PDE4D: variants seen among roughly 807,000 people sequenced by gnomAD.
The protein encoded by PDE4D is 3',5'-cyclic-AMP phosphodiesterase 4D.
Under a neutral mutation model 87.4 loss-of-function variants are expected in PDE4D, and 24 were observed. The ratio of observed to expected loss-of-function variants is 0.27; its 90% CI spans 0.20 to 0.39. The LOEUF (loss-of-function observed/expected upper bound fraction) is 0.39. Ranked by LOEUF, PDE4D falls within the 10% of genes least tolerant of loss-of-function variation. The pLI, the probability that PDE4D is intolerant of heterozygous loss-of-function variation, is 1.00. For missense variants in PDE4D, 714 were observed against 1,041.0 expected (o/e 0.69, Z 4.32); for synonymous variants, 384 against 383.2 (o/e 1.00, Z -0.02).
intron 1 of PDE4D, among the ~76,000 whole-genome samples, chr5:59,572,457 T>TTTGTA (rs1822010152): frequency 6.8e-6 from 1 of 146,824 alleles, no homozygotes; most frequent in South Asian, 2.1e-4. Flanking sequence ...ACACAGGTTT[T>TTTGTA]TTGTTTTGTT....
At chr5:59,851,574 T>C (rs1744667657) in intron 1 of PDE4D, among the ~76,000 whole-genome samples, 1 of 152,028 alleles carries the variant, frequency 6.6e-6, no homozygotes, top group Non-Finnish European at 1.5e-5. Context: ...GATTCTGTTT[T>C]TTTCAGATAT....
chr5:59,108,953 CAATG>C (rs1256318563), intron 5 of PDE4D, among the ~76,000 whole-genome samples: 2,703 of 94,374 alleles, frequency 0.029, 59 homozygotes, highest in South Asian at 0.093. Context: ...CATAGGAACT[CAATG>C]TGTGTGTGTG....
At chr5:59,787,515 T>G (rs1765308423) in intron 1 of PDE4D, among the ~76,000 whole-genome samples, 1 of 152,180 alleles carries the variant, frequency 6.6e-6, no homozygotes, top group Admixed American at 6.5e-5. Context: ...GTGACTTACC[T>G]TTTTGTCCCA....
intron 1 of PDE4D, among the ~76,000 whole-genome samples, chr5:60,451,204 A>T (rs1375751874): frequency 6.6e-6 from 1 of 152,114 alleles, no homozygotes; most frequent in African/African-American, 2.4e-5. Flanking sequence ...TTACATAAGG[A>T]ATATATTTCT....
At chr5:59,476,322 G>A (rs1366234875) in intron 1 of PDE4D, among the ~76,000 whole-genome samples, 2 of 152,086 alleles carry the variant, frequency 1.3e-5, no homozygotes, top group Non-Finnish European at 2.9e-5. Flanking sequence ...TCCTGATCAG[G>A]ATGGAGATTA....
intron 1 of PDE4D, among the ~76,000 whole-genome samples, chr5:59,458,328 C>G (rs1582700917): frequency 6.6e-6 from 1 of 152,188 alleles, no homozygotes; most frequent in Non-Finnish European, 1.5e-5. Flanking sequence ...GTGAAAGAAT[C>G]ATTGCATAAG....
chr5:60,481,862 A>T (rs1748755751), intron 1 of PDE4D, among the ~76,000 whole-genome samples: 3 of 152,240 alleles, frequency 2.0e-5, no homozygotes, highest in African/African-American at 7.2e-5. Flanking sequence ...TCAAGAATTT[A>T]AAAGTAAAAT....
chr5:60,416,462 C>G (rs1301476427), intron 1 of PDE4D, among the ~76,000 whole-genome samples: 1 of 152,136 alleles, frequency 6.6e-6, no homozygotes, highest in African/African-American at 2.4e-5. Flanking sequence ...ACTCCGGAAG[C>G]CAGCGAGACC....
At chr5:59,173,530 C>T (rs1270075693) in intron 5 of PDE4D, among the ~76,000 whole-genome samples, 2 of 152,142 alleles carry the variant, frequency 1.3e-5, no homozygotes. Flanking sequence ...ACTCCTTCAG[C>T]TTAAAAGATT....
At chr5:59,548,074 A>G (rs540659471) in intron 1 of PDE4D, among the ~76,000 whole-genome samples, 1 of 152,312 alleles carries the variant, frequency 6.6e-6, no homozygotes, top group East Asian at 1.9e-4. Flanking sequence ...CAAACGCTCA[A>G]TCAAATCATG....
At chr5:60,511,342 G>C (rs1352734480) in intron 1 of PDE4D, among the ~76,000 whole-genome samples, 1 of 151,982 alleles carries the variant, frequency 6.6e-6, no homozygotes, top group African/African-American at 2.4e-5. Context: ...TAAGAATACA[G>C]AATTTATTAT....
chr5:59,644,248 A>G (rs1352021344), intron 1 of PDE4D, among the ~76,000 whole-genome samples: 1 of 152,218 alleles, frequency 6.6e-6, no homozygotes, highest in African/African-American at 2.4e-5. Context: ...TATTTAAGAT[A>G]AAATAGTACC....
At chr5:59,707,300 T>C (rs573582033) in intron 1 of PDE4D, among the ~76,000 whole-genome samples, 1 of 152,230 alleles carries the variant, frequency 6.6e-6, no homozygotes, top group East Asian at 1.9e-4. Flanking sequence ...AACAAACATT[T>C]ATTGAATTAC....
rs77871918 is a variant in PDE4D, at chr5:59,145,416, A to G, written c.808+35179T>C. ...CAGGTTCTTTTCACTTTTGATGTAC[A>G]GAGGTTATGAGAAAATAATCTTAAG... On this transcript the variant is annotated intron_variant, in intron 5 of 14. Coordinates refer to ENST00000340635, the MANE Select transcript of PDE4D (RefSeq NM_001104631.2). Among the ~76,000 whole-genome samples the G allele has an allele frequency of 3.1e-3, 470 of 152,316 alleles. 10 individuals carry two copies. The East Asian group carries it at 0.056, about 18-fold the overall frequency.
At chr5:60,499,658 C>T (rs919401098) in intron 1 of PDE4D, among the ~76,000 whole-genome samples, 1 of 152,128 alleles carries the variant, frequency 6.6e-6, no homozygotes, top group Non-Finnish European at 1.5e-5. Flanking sequence ...GCCATCTTCA[C>T]ACAGAAAATC....
intron 1 of PDE4D, among the ~76,000 whole-genome samples, chr5:59,790,142 A>T (rs1224812645): frequency 6.6e-6 from 1 of 152,202 alleles, no homozygotes; most frequent in Non-Finnish European, 1.5e-5. Flanking sequence ...TACAGGGGAC[A>T]GTAGTTTAGT....
chr5:60,369,416 C>T (rs1413109488), intron 1 of PDE4D, among the ~76,000 whole-genome samples: 1 of 152,182 alleles, frequency 6.6e-6, no homozygotes, highest in Middle Eastern at 3.4e-3. Context: ...GGGTTCAGAA[C>T]CCACAGAAAG....
intron 1 of PDE4D, among the ~76,000 whole-genome samples, chr5:60,330,195 G>T (rs1417174747): frequency 6.7e-6 from 1 of 150,204 alleles, no homozygotes; most frequent in East Asian, 1.9e-4. Context: ...TGAAAAAGTA[G>T]TTAATGACTC....
intron 1 of PDE4D, among the ~76,000 whole-genome samples, chr5:59,535,077 G>C (rs1015750340): frequency 3.3e-4 from 8 of 24,398 alleles, no homozygotes; most frequent in Non-Finnish European, 7.5e-4. Flanking sequence ...GTGTGTGTGT[G>C]GGGGGGGGGT....
Sources: allele counts gnomAD v4.1 joint callset (sites outside exome capture counted in the v4.1 genomes callset), GRCh38; gene constraint gnomAD v4.1.1; transcripts MANE v1.5; gene names NCBI Gene and HGNC (gene_info 2026-07-23, HGNC 2026-07-21).